Variants in XXYLT1 observed in about 807,000 individuals in gnomAD.
XXYLT1 encodes the protein xyloside xylosyltransferase 1, also known as UDP-xylose:alpha-xyloside alpha-1,3-xylosyltransferase.
Under a neutral mutation model 28.9 loss-of-function variants are expected in XXYLT1, and 20 were observed. The ratio of observed to expected loss-of-function variants is 0.69; its 90% CI spans 0.49 to 1.00. The LOEUF is 1.00. Among genes scored for constraint, XXYLT1 ranks in the 50% least tolerant of loss-of-function variants. XXYLT1 has a pLI of 0.00. For synonymous variants in XXYLT1, 257 were observed against 253.8 expected (o/e 1.01, Z -0.12); for missense variants, 542 against 560.1 (o/e 0.97, Z 0.33).
chr3:195,106,264 GGA>G (rs895195749), intron 3 of XXYLT1, among the ~76,000 whole-genome samples: 2 of 147,390 alleles, frequency 1.4e-5, no homozygotes, highest in African/African-American at 5.4e-5. Context: ...CGTTTTTGAT[GGA>G]GAGATGCTCT....
In XXYLT1 at chr3:195,256,076, G is replaced by C. The variant is rs912632075; in HGVS notation, c.504+14479C>G. Among the ~76,000 whole-genome samples the C allele has an allele frequency of 5.3e-5, 8 of 152,184 alleles. No homozygotes were observed. Among genetic ancestry groups the C allele is most frequent in the Non-Finnish European group, 1.0e-4 (7 of 68,030 alleles). ...CAGGGGCACCGTGGGAACCCTTCTG[G>C]TGGGGCCCCAGCTCTCACAGAGCAT... On this transcript the variant is annotated intron_variant, in intron 1 of 3. Transcript: ENST00000310380. The surrounding 1 kb of genome is among the most constrained non-coding windows in gnomAD (Gnocchi z 4.2).
intron 2 of XXYLT1, among the ~76,000 whole-genome samples, chr3:195,192,197 T>C (rs1483187048): frequency 6.6e-6 from 1 of 152,074 alleles, no homozygotes; most frequent in Non-Finnish European, 1.5e-5. Context: ...CTGAGGCAGG[T>C]GGATCACTTC....
intron 3 of XXYLT1, among the ~76,000 whole-genome samples, chr3:195,072,303 C>G (rs896245625): frequency 3.3e-5 from 5 of 152,158 alleles, no homozygotes; most frequent in Admixed American, 1.3e-4. Flanking sequence ...GAGCAGGAAC[C>G]CGGAGAGGCT....
At chr3:195,266,839 T>C (rs1256815974) in intron 1 of XXYLT1, among the ~76,000 whole-genome samples, 1 of 152,178 alleles carries the variant, frequency 6.6e-6, no homozygotes, top group African/African-American at 2.4e-5. Context: ...TTCTGTATTT[T>C]CAAGTGTCCC....
At position 195,124,539 on chromosome 3, in the gene XXYLT1, GC is replaced by G. The variant is rs1718519808; in HGVS notation, c.785+31909del. Among the ~76,000 whole-genome samples, 1 of 152,186 alleles carries G rather than the reference GC, an allele frequency of 6.6e-6. No homozygotes were observed. The highest frequency in any genetic ancestry group is 6.5e-5 in the Admixed American group (1 of 15,278). On this transcript the variant is annotated intron_variant, in intron 3 of 3. Transcript: ENST00000310380. This position sits in a 1 kb window ranked among gnomAD's most constrained non-coding sequence, Gnocchi z 4.1. ...CCTCTAGACTGTGAATTCCGTGGGG[GC>G]AAGGACCACGTTTGTTTTGCTCACG...
intron 3 of XXYLT1, among the ~76,000 whole-genome samples, chr3:195,119,662 TGAG>T (rs1330728621): frequency 2.8e-5 from 3 of 108,000 alleles, no homozygotes; most frequent in Non-Finnish European, 4.2e-5. Flanking sequence ...TGCCCCCAGA[TGAG>T]AGGAGGCCTC....
intron 3 of XXYLT1, among the ~76,000 whole-genome samples, chr3:195,138,857 G>GAAAA (rs552573280): frequency 3.5e-4 from 29 of 83,788 alleles, no homozygotes; most frequent in Non-Finnish European, 4.4e-4. Flanking sequence ...TCTGCCTCAG[G>GAAAA]AAAAAAAAAA....
chr3:195,157,264 A>C (rs1188993062), intron 2 of XXYLT1, among the ~76,000 whole-genome samples: 1 of 143,188 alleles, frequency 7.0e-6, no homozygotes, highest in Non-Finnish European at 1.5e-5. Flanking sequence ...AAAAAAAAAA[A>C]AACCCTCAAA....
At chr3:195,079,103 T>C (rs1715285017) in intron 3 of XXYLT1, among the ~76,000 whole-genome samples, 2 of 152,180 alleles carry the variant, frequency 1.3e-5, no homozygotes, top group South Asian at 4.1e-4. Flanking sequence ...CCCGGCCCCT[T>C]ACCCAGTGTC....
At chr3:195,262,238 C>G (rs534726414) in intron 1 of XXYLT1, among the ~76,000 whole-genome samples, 188 of 152,172 alleles carry the variant, frequency 1.2e-3, no homozygotes, top group Non-Finnish European at 2.1e-3. Flanking sequence ...CACAAAAGAC[C>G]ACATATTAGC....
intron 2 of XXYLT1, among the ~76,000 whole-genome samples, chr3:195,182,530 CG>C (rs1486883586): frequency 2.6e-5 from 4 of 152,180 alleles, no homozygotes; most frequent in Non-Finnish European, 2.9e-5. Context: ...ACTCACTAGA[CG>C]AGCACAGTGT....
intron 3 of XXYLT1, among the ~76,000 whole-genome samples, chr3:195,082,124 G>A (rs1288398229): frequency 6.6e-6 from 1 of 152,214 alleles, no homozygotes; most frequent in Non-Finnish European, 1.5e-5. Flanking sequence ...TATTGACAAA[G>A]CCTCACGATG....
rs1046891160 is a variant in XXYLT1 at position 195,180,732 on chromosome 3, C to A, written c.653-24151G>T. On this transcript the variant is annotated intron_variant, in intron 2 of 3. Coordinates refer to ENST00000310380, the MANE Select transcript of XXYLT1 (RefSeq NM_152531.5). The surrounding 1 kb of genome is among the most constrained non-coding windows in gnomAD (Gnocchi z 5.8). Reference sequence around the variant, plus strand: ...GACGGGAAAGGCGCCTGCCCACTGCCCCCACCCCTGCAAGCACACACCTGC... The same window carrying A: ...GACGGGAAAGGCGCCTGCCCACTGCACCCACCCCTGCAAGCACACACCTGC... Among the ~76,000 whole-genome samples the A allele has an allele frequency of 1.3e-5, 2 of 152,174 alleles. No homozygotes were observed. The highest frequency in any genetic ancestry group is 1.3e-4 in the Admixed American group (2 of 15,282).
intron 3 of XXYLT1, among the ~76,000 whole-genome samples, chr3:195,102,104 A>G (rs7647901): frequency 0.046 from 6,947 of 151,148 alleles, 554 homozygotes; most frequent in African/African-American, 0.16. Context: ...GGGAGGGGGA[A>G]AAAGAGAATT....
intron 3 of XXYLT1, among the ~76,000 whole-genome samples, chr3:195,096,864 T>A (rs558239124): frequency 1.4e-4 from 21 of 152,356 alleles, no homozygotes; most frequent in African/African-American, 4.6e-4. Context: ...TAATGCCCAC[T>A]CAGTCTTCCA....
In XXYLT1 at chr3:195,068,468, A is replaced by T. The variant is rs1025758694; in HGVS notation, c.*1247T>A. ...AATTTCTGCTAAGGTCTACGGTCTAACGTGGTATGATAAGGGGATTTTTTA... is the reference window on the plus strand; with the variant it reads ...AATTTCTGCTAAGGTCTACGGTCTATCGTGGTATGATAAGGGGATTTTTTA... On this transcript the variant is annotated 3_prime_UTR_variant, in exon 4 of 4. Transcript: ENST00000310380. The T allele has an allele frequency of 6.6e-6, 1 of 152,178 alleles. No individual in the cohort carries two copies. Among genetic ancestry groups the T allele is most frequent in the Admixed American group, 6.5e-5 (1 of 15,276 alleles). The allele number at this position is 152,178 out of a possible 1,614,324, so 9.4% of individuals were successfully genotyped here. A position where few individuals can be genotyped will look rare whatever the true frequency, so the allele number is the denominator to read the frequency against.
intron 2 of XXYLT1, among the ~76,000 whole-genome samples, chr3:195,178,675 G>A (rs1050269302): frequency 2.6e-5 from 4 of 152,156 alleles, no homozygotes; most frequent in Non-Finnish European, 4.4e-5. Flanking sequence ...TCTGAAGCAC[G>A]GTCTTCACAC....
intron 1 of XXYLT1, among the ~76,000 whole-genome samples, chr3:195,236,843 C>T (rs1210502179): frequency 6.6e-6 from 1 of 152,126 alleles, no homozygotes; most frequent in Non-Finnish European, 1.5e-5. Flanking sequence ...TCCTTCCCTT[C>T]AGGGCAGTAG....
intron 1 of XXYLT1, chr3:195,270,284 C>G (rs1725974594): frequency 4.1e-6 from 3 of 733,298 alleles, no homozygotes; most frequent in Non-Finnish European, 6.2e-6. Context: ...GGCGCGCGGA[C>G]TCTCCTGGGG....
Sources: allele counts gnomAD v4.1 joint callset (sites outside exome capture counted in the v4.1 genomes callset), GRCh38; gene constraint gnomAD v4.1.1; non-coding constraint Gnocchi (gnomAD v3.1); transcripts MANE v1.5; gene names NCBI Gene and HGNC (gene_info 2026-07-23, HGNC 2026-07-21).